The following AKAP6 variants were observed in gnomAD, a reference collection of about 807,000 sequenced individuals.
AKAP6 encodes A-kinase anchoring protein 6.
A neutral mutation model predicts 188.5 loss-of-function variants in AKAP6; 58 were observed. The observed-to-expected ratio is 0.31, with a 90% confidence interval of 0.25 to 0.38. The LOEUF (loss-of-function observed/expected upper bound fraction) is 0.38. Ranked by LOEUF, AKAP6 falls within the 10% of genes least tolerant of loss-of-function variation. The pLI is 1.00. For missense variants in AKAP6, 2,710 were observed against 2,740.0 expected (o/e 0.99, Z 0.24); for synonymous variants, 989 against 998.6 (o/e 0.99, Z 0.18).
chr14:32,827,895 A>G (rs947121377), intron 13 of AKAP6, among the ~76,000 whole-genome samples: 1 of 152,108 alleles, frequency 6.6e-6, no homozygotes, highest in Admixed American at 6.5e-5. Flanking sequence ...AACTCATCAT[A>G]TGCGGCCAGT....
intron 1 of AKAP6, among the ~76,000 whole-genome samples, chr14:32,393,060 A>T (rs1302869400): frequency 6.6e-6 from 1 of 152,114 alleles, no homozygotes; most frequent in East Asian, 1.9e-4. Context: ...GGTTGCTAAA[A>T]CAATTGGATG....
chr14:32,560,223 C>T (rs539527063), intron 4 of AKAP6, among the ~76,000 whole-genome samples: 29 of 152,060 alleles, frequency 1.9e-4, no homozygotes, highest in South Asian at 4.2e-4. Context: ...TAATAAAAAT[C>T]TTTTGTGTAT....
At chr14:32,790,478 C>G (rs967634788) in intron 12 of AKAP6, among the ~76,000 whole-genome samples, 1 of 152,218 alleles carries the variant, frequency 6.6e-6, no homozygotes. Flanking sequence ...GAGAGAAAGG[C>G]CAGGTCACTT....
chr14:32,462,916 A>AAC lies in AKAP6; in HGVS notation c.324+29100_324+29101insCA, dbSNP rs1555330711. ...AAATGGAAAGCAAAAAAAAAAAAAA[A>AAC]AAAAAAAAAACCCGGGGTTGCAATC... On this transcript the variant is annotated intron_variant, in intron 2 of 13. Transcript: ENST00000280979. Among the ~76,000 whole-genome samples, 55 of 93,812 alleles carry AAC rather than the reference A, an allele frequency of 5.9e-4. 1 individual carries two copies. The highest frequency in any genetic ancestry group is 4.1e-3 in the East Asian group (15 of 3,676). 61.5% of individuals were successfully genotyped at this position (93,812 alleles called of 152,430 possible).
intron 5 of AKAP6, among the ~76,000 whole-genome samples, chr14:32,598,334 G>T (rs1481224337): frequency 6.6e-6 from 1 of 152,046 alleles, no homozygotes; most frequent in African/African-American, 2.4e-5. Context: ...ATCCATGCTT[G>T]CTCCAATTAG....
intron 11 of AKAP6, among the ~76,000 whole-genome samples, chr14:32,749,442 A>G (rs1255694838): frequency 1.3e-5 from 2 of 152,202 alleles, no homozygotes; most frequent in African/African-American, 4.8e-5. Context: ...CATCTTTTGA[A>G]CTAAAATTGC....
intron 7 of AKAP6, among the ~76,000 whole-genome samples, chr14:32,646,570 A>C (rs1887995211): frequency 6.6e-6 from 1 of 152,196 alleles, no homozygotes; most frequent in Non-Finnish European, 1.5e-5. Context: ...AACAGTAAAG[A>C]TGTCCAGATT....
At chr14:32,687,759 A>T (rs1889998364) in intron 8 of AKAP6, among the ~76,000 whole-genome samples, 1 of 152,090 alleles carries the variant, frequency 6.6e-6, no homozygotes, top group Non-Finnish European at 1.5e-5. Context: ...GTGCTCTGGA[A>T]CTGTTAAATA....
chr14:32,370,867 A>G (rs1375570967), intron 1 of AKAP6, among the ~76,000 whole-genome samples: 2 of 152,152 alleles, frequency 1.3e-5, no homozygotes, highest in African/African-American at 2.4e-5. Context: ...TATTCCATTC[A>G]TGATTGCTCT....
intron 11 of AKAP6, among the ~76,000 whole-genome samples, chr14:32,743,905 A>C (rs2031782086): frequency 6.6e-6 from 1 of 152,176 alleles, no homozygotes; most frequent in Non-Finnish European, 1.5e-5. Flanking sequence ...CTTGTTGCTC[A>C]CTAACGTCCT....
chr14:32,372,666 C>G (rs1188825659), intron 1 of AKAP6, among the ~76,000 whole-genome samples: 2 of 150,604 alleles, frequency 1.3e-5, no homozygotes, highest in African/African-American at 4.9e-5. Flanking sequence ...AAGAATTTTT[C>G]TGAAAACACT....
At position 32,834,584 on chromosome 14, in the gene AKAP6, C is replaced by T. The variant is rs759569066; in HGVS notation, c.*4779C>T. On this transcript the variant is annotated 3_prime_UTR_variant, in exon 14 of 14. Transcript: ENST00000280979. ...CTTGCATAGTTTCCCTGTGCTTTTA[C>T]TCTATTTTTCTTTGGGCTTTTATAA... 2.8e-5 allele frequency: 3 copies of T among 108,300 alleles called. No homozygotes were observed. Among genetic ancestry groups the T allele is most frequent in the Non-Finnish European group, 5.5e-5 (3 of 54,690 alleles). 6.7% of individuals were successfully genotyped at this position (108,300 alleles called of 1,614,324 possible).
Position 32,577,193 on chromosome 14 carries a change from C to T in AKAP6, c.2420C>T (p.Pro807Leu), listed in dbSNP as rs1267893116. 6.2e-7 allele frequency: 1 copy of T among 1,612,422 alleles called. No homozygotes were observed. The highest frequency in any genetic ancestry group is 2.2e-5 in the East Asian group (1 of 44,804). The stretch of plus-strand genomic sequence containing the variant: ...ATGGAAACTACAGAAAATTGGACTC[C>T]CCCTAAAGCAGAGATGGATGACCTT... ...EAMETTENWT[P>L]PKAEMDDLKL... is the part of the protein sequence containing the mutation. The change falls in exon 5 of 14, where the codon CCC (proline) becomes CTC (leucine). Residue 807 changes from proline to leucine, a missense_variant. Transcript: ENST00000280979.
rs146891742 is a variant in AKAP6, at chr14:32,461,065, C to T, written c.324+27248C>T. Among the ~76,000 whole-genome samples the T allele has an allele frequency of 1.9e-3, 294 of 152,310 alleles. 1 individual carries two copies. The highest frequency in any genetic ancestry group is 6.7e-3 in the African/African-American group (279 of 41,566). On this transcript the variant is annotated intron_variant, in intron 2 of 13. Transcript: ENST00000280979. ...TCTCTGAAGGTAACAGCCCCAGTCACGGGCTTACAGACAAAACCTCCATGT... is the reference window on the plus strand; with the variant it reads ...TCTCTGAAGGTAACAGCCCCAGTCATGGGCTTACAGACAAAACCTCCATGT...
intron 2 of AKAP6, among the ~76,000 whole-genome samples, chr14:32,463,672 A>T (rs1878217040): frequency 6.6e-6 from 1 of 152,208 alleles, no homozygotes; most frequent in South Asian, 2.1e-4. Context: ...TCAACACCCT[A>T]ACATCACAAT....
At chr14:32,652,191 C>T (rs1241727965) in intron 7 of AKAP6, among the ~76,000 whole-genome samples, 5 of 152,022 alleles carry the variant, frequency 3.3e-5, no homozygotes, top group Non-Finnish European at 7.4e-5. Context: ...TTCTTTTCTC[C>T]CATCTTTTCC....
intron 9 of AKAP6, among the ~76,000 whole-genome samples, chr14:32,704,078 G>A (rs569731818): frequency 2.2e-4 from 34 of 152,162 alleles, no homozygotes; most frequent in South Asian, 1.2e-3. Flanking sequence ...TTGAATCCTT[G>A]GATCTAAAGG....
chr14:32,551,981 T>G (rs2139177165), intron 4 of AKAP6, among the ~76,000 whole-genome samples: 1 of 152,272 alleles, frequency 6.6e-6, no homozygotes. Context: ...TCTGTAATTT[T>G]ATATAATTTT....
intron 2 of AKAP6, among the ~76,000 whole-genome samples, chr14:32,510,436 G>GTGTGTATATATATATACATATATATA (rs1881166479): frequency 2.0e-4 from 6 of 30,258 alleles, no homozygotes; most frequent in African/African-American, 8.1e-4. Flanking sequence ...ATATATATAT[G>GTGTGTATATATATATACATATATATA]TGTATATATA....
Sources: gnomAD v4.1 joint callset for allele counts (sites outside exome capture counted in the v4.1 genomes callset) on GRCh38, gnomAD v4.1.1 for gene constraint, MANE v1.5 for transcripts, NCBI Gene and HGNC (gene_info 2026-07-23, HGNC 2026-07-21) for gene names.